TMEM39B: variants seen among roughly 807,000 people sequenced by gnomAD.
TMEM39B encodes transmembrane protein 39B.
Under a neutral mutation model 52.2 loss-of-function variants are expected in TMEM39B, and 23 were observed. That is an observed-to-expected ratio of 0.44 (90% confidence interval 0.32 to 0.62). TMEM39B has a LOEUF of 0.62. Among genes scored for constraint, TMEM39B ranks in the 20% least tolerant of loss-of-function variants. The pLI, the probability that TMEM39B is intolerant of heterozygous loss-of-function variation, is 0.06. For synonymous variants in TMEM39B, 285 were observed against 264.0 expected (o/e 1.08, Z -0.77); for missense variants, 547 against 642.0 (o/e 0.85, Z 1.60).
intron 1 of TMEM39B, chr1:32,073,829 C>T: frequency 1.0e-6 from 1 of 985,248 alleles, no homozygotes; most frequent in Non-Finnish European, 1.2e-6. Context: ...GATGCTACGG[C>T]GTGGGGTGTA....
At chr1:32,077,053 C>T (rs1424404584) in intron 4 of TMEM39B, 111 bp from the exon 5 acceptor site, 8 of 1,475,388 alleles carry the variant, frequency 5.4e-6, no homozygotes, top group East Asian at 2.3e-5. Flanking sequence ...GCCCAGCCTG[C>T]TGTGCCACCT....
Position 32,094,966 on chromosome 1 carries a change from G to A in TMEM39B, c.1110G>A (p.Gln370=), listed in dbSNP as rs1236981656. Reference sequence around the variant, plus strand: ...CAGCGCTGTGCTCCAACGTGCTGCAGCACCCGTGAGTCACCCTACCCTGCT... The same window carrying A: ...CAGCGCTGTGCTCCAACGTGCTGCAACACCCGTGAGTCACCCTACCCTGCT... The part of the protein sequence containing the change: ...VDPALCSNVL[Q]HPWTEECMWP... The change falls in exon 7 of 9, where the codon CAG becomes CAA. Residue 370 remains glutamine, a synonymous_variant. Coordinates refer to ENST00000336294, the MANE Select transcript of TMEM39B (RefSeq NM_018056.4). 1 of 1,613,126 alleles carries A rather than the reference G, an allele frequency of 6.2e-7. No homozygotes were observed. Among genetic ancestry groups the A allele is most frequent in the South Asian group, 1.1e-5 (1 of 91,060 alleles).
chr1:32,082,399 A>G (rs1436674265), intron 5 of TMEM39B, among the ~76,000 whole-genome samples: 1 of 152,100 alleles, frequency 6.6e-6, no homozygotes, highest in Non-Finnish European at 1.5e-5. Flanking sequence ...TGCATACATG[A>G]CATTTCTTCT....
chr1:32,092,138 G>A (rs1640634415), intron 6 of TMEM39B, 127 bp downstream of exon 6: 2 of 844,252 alleles, frequency 2.4e-6, no homozygotes, highest in Admixed American at 5.5e-5. Flanking sequence ...CTGGAGGACT[G>A]GAGTGACTAC....
At chr1:32,089,370 A>G (rs974444987) in intron 5 of TMEM39B, among the ~76,000 whole-genome samples, 25 of 151,784 alleles carry the variant, frequency 1.6e-4, no homozygotes, top group Admixed American at 9.9e-4. Context: ...TGGCTCAAGC[A>G]GTTTCTCTAC....
intron 1 of TMEM39B, 149 bp downstream of exon 1, chr1:32,073,200 T>G (rs1639707872): frequency 3.0e-6 from 3 of 1,007,786 alleles, no homozygotes; most frequent in Admixed American, 4.3e-5. Flanking sequence ...CCCCCTCCTG[T>G]CGTTTTGCGG....
intron 5 of TMEM39B, 59 bp downstream of exon 5, chr1:32,077,377 G>C (rs1639911914): frequency 6.3e-7 from 1 of 1,587,734 alleles, no homozygotes; most frequent in Non-Finnish European, 8.6e-7. Flanking sequence ...CCTCTGCCCT[G>C]ACCGTAGCTG....
intron 5 of TMEM39B, among the ~76,000 whole-genome samples, chr1:32,089,918 G>T (rs887394985): frequency 4.9e-4 from 75 of 151,916 alleles, no homozygotes; most frequent in African/African-American, 1.7e-3. Flanking sequence ...AATCCCAGCT[G>T]CTCGGGAGAC....
At chr1:32,102,343 T>A in intron 8 of TMEM39B, 88 bp from the exon 9 acceptor site, 2 of 1,540,522 alleles carry the variant, frequency 1.3e-6, no homozygotes, top group Non-Finnish European at 1.8e-6. Flanking sequence ...CAGGAGGCTG[T>A]CCCCTTCACT....
chr1:32,077,787 CTA>C (rs1372506406), intron 5 of TMEM39B, among the ~76,000 whole-genome samples: 1 of 152,096 alleles, frequency 6.6e-6, no homozygotes, highest in Non-Finnish European at 1.5e-5. Context: ...GTGTGGGTGT[CTA>C]TGCATGAAGC....
At chr1:32,083,145 C>T (rs1291425212) in intron 5 of TMEM39B, among the ~76,000 whole-genome samples, 11 of 132,180 alleles carry the variant, frequency 8.3e-5, no homozygotes, top group Non-Finnish European at 1.5e-5. Flanking sequence ...TGTGCAATGG[C>T]GCCATCTCTG....
chr1:32,102,456 T>G lies in TMEM39B; in HGVS notation c.1262T>G (p.Ile421Ser), dbSNP rs1436838101. ...TTCTTTTTCAGCAAACCCCTGCGGA[T>G]CCTCAACATCCTCCTGCTGCTGGAG... ...FHFFFSKPLR[I>S]LNILLLLEGA... Residue 421 changes from isoleucine (I) to serine (S), a missense_variant, in exon 9 of 9, where the codon ATC (isoleucine) becomes AGC (serine). Physicochemically the swap from Ile to Ser is moderately radical, Grantham distance 142. Coordinates refer to ENST00000336294, the MANE Select transcript of TMEM39B (RefSeq NM_018056.4). 2 of 1,613,904 alleles carry G rather than the reference T, an allele frequency of 1.2e-6. No individual in the cohort carries two copies. Among genetic ancestry groups the G allele is most frequent in the Non-Finnish European group, 8.5e-7 (1 of 1,179,956 alleles).
intron 4 of TMEM39B, 88 bp downstream of exon 4, chr1:32,076,934 T>A: frequency 6.8e-7 from 1 of 1,477,304 alleles, no homozygotes; most frequent in Non-Finnish European, 9.4e-7. Flanking sequence ...CCCTTCAGCC[T>A]TAGGGTATTT....
rs919775669 is a variant in TMEM39B, at chr1:32,095,042, G to A, written c.1115+71G>A. ...AGCATCTGGAGTCACTTGTCCACTC[G>A]CTGATTAACTTATTTAGTTAGCAAA... On this transcript the variant is annotated intron_variant, in intron 7 of 8. Coordinates refer to ENST00000336294, the MANE Select transcript of TMEM39B (RefSeq NM_018056.4). 13 of 1,523,412 alleles carry A rather than the reference G, an allele frequency of 8.5e-6. No individual in the cohort carries two copies. In the East Asian group the frequency reaches 1.9e-4, roughly 22 times the overall value. 94.4% of individuals were successfully genotyped at this position (1,523,412 alleles called of 1,614,324 possible). A position where few individuals can be genotyped will look rare whatever the true frequency, so the allele number is the denominator to read the frequency against.
At chr1:32,097,396 T>C (rs1484093237) in intron 7 of TMEM39B, among the ~76,000 whole-genome samples, 1 of 151,706 alleles carries the variant, frequency 6.6e-6, no homozygotes, top group Non-Finnish European at 1.5e-5. Context: ...AGTGGCGCGA[T>C]CTTGGCTCAG....
intron 5 of TMEM39B, 150 bp downstream of exon 5, chr1:32,077,468 AG>A (rs1189135146): frequency 1.3e-4 from 140 of 1,049,406 alleles, no homozygotes; most frequent in Non-Finnish European, 1.8e-4. Flanking sequence ...TCACTCACTG[AG>A]GTCAGGATAA....
Position 32,100,426 on chromosome 1 carries a change from T to C in TMEM39B, c.1116-16T>C. On this transcript the variant is annotated splice_polypyrimidine_tract_variant and intron_variant, in intron 7 of 8. Coordinates refer to ENST00000336294, the MANE Select transcript of TMEM39B (RefSeq NM_018056.4). ...GTGAGCTGGGGATAAGGGGCACCATTGAACTGTGCCCCCAGGTGGACTGAA... is the reference window on the plus strand; with the variant it reads ...GTGAGCTGGGGATAAGGGGCACCATCGAACTGTGCCCCCAGGTGGACTGAA... 1 of 1,571,146 alleles carries C rather than the reference T, an allele frequency of 6.4e-7. No individual in the cohort carries two copies. Among genetic ancestry groups the C allele is most frequent in the Middle Eastern group, 1.7e-4 (1 of 5,838 alleles).
intron 5 of TMEM39B, among the ~76,000 whole-genome samples, chr1:32,081,182 G>GT (rs1304347593): frequency 2.0e-5 from 3 of 150,722 alleles, no homozygotes; most frequent in Admixed American, 6.6e-5. Flanking sequence ...TACTTTCTGG[G>GT]TTTTTTTATT....
At chr1:32,080,362 T>C (rs772330627) in intron 5 of TMEM39B, among the ~76,000 whole-genome samples, 1 of 152,092 alleles carries the variant, frequency 6.6e-6, no homozygotes, top group Non-Finnish European at 1.5e-5. Context: ...AGGGTTGCAC[T>C]GGTTAGAACT....
Sources: allele counts gnomAD v4.1 joint callset (sites outside exome capture counted in the v4.1 genomes callset), GRCh38; gene constraint gnomAD v4.1.1; transcripts MANE v1.5; gene names NCBI Gene and HGNC (gene_info 2026-07-23, HGNC 2026-07-21).